The following SSBP2 variants were observed in gnomAD, a reference collection of about 807,000 sequenced individuals.
SSBP2 encodes single stranded DNA binding protein 2.
In SSBP2, 17 loss-of-function variants were observed where a neutral mutation model predicts 61.8. The observed-to-expected ratio is 0.28, with a 90% CI of 0.19 to 0.41. The LOEUF (loss-of-function observed/expected upper bound fraction) is 0.41. Ranked by LOEUF, SSBP2 falls within the 10% of genes least tolerant of loss-of-function variation. The probability of loss-of-function intolerance (pLI) is 1.00; values close to 1 mark genes in which losing one functional copy is unlikely to be tolerated. For synonymous variants in SSBP2, 139 were observed against 141.3 expected (o/e 0.98, Z 0.12); for missense variants, 310 against 458.7 (o/e 0.68, Z 2.96).
chr5:81,552,868 TCATC>T (rs1772314066), intron 4 of SSBP2, among the ~76,000 whole-genome samples: 1 of 152,164 alleles, frequency 6.6e-6, no homozygotes, highest in Non-Finnish European at 1.5e-5. Context: ...AAATTCTTCT[TCATC>T]CATTTATACA....
intron 1 of SSBP2, among the ~76,000 whole-genome samples, chr5:81,668,426 A>T (rs1751342656): frequency 6.6e-6 from 1 of 152,098 alleles, no homozygotes; most frequent in African/African-American, 2.4e-5. Flanking sequence ...CTAGGCTGTA[A>T]GATTTTATCC....
At chr5:81,437,898 A>C (rs1041624158) in intron 14 of SSBP2, 2 of 152,222 alleles carry the variant, frequency 1.3e-5, no homozygotes, top group African/African-American at 4.8e-5. Context: ...TTTAAACCAT[A>C]ATTTACTATA....
chr5:81,588,421 C>T (rs1775241179), intron 4 of SSBP2, among the ~76,000 whole-genome samples: 1 of 152,070 alleles, frequency 6.6e-6, no homozygotes, highest in African/African-American at 2.4e-5. Context: ...GTACCTGAAC[C>T]TAGGTCTTTA....
intron 4 of SSBP2, among the ~76,000 whole-genome samples, chr5:81,553,730 ATGT>A (rs1772383926): frequency 6.6e-6 from 1 of 152,142 alleles, no homozygotes; most frequent in Admixed American, 6.6e-5. Context: ...TAAGGACAGG[ATGT>A]TGTTGTTTCA....
At chr5:81,437,676 G>GT (rs544978730) in intron 14 of SSBP2, 26,633 of 278,804 alleles carry the variant, frequency 0.096, 31 homozygotes, top group Middle Eastern at 0.15. Context: ...GTTCCCAATC[G>GT]TTTTTTTTTT....
chr5:81,450,069 C>A (rs932728281), intron 10 of SSBP2, among the ~76,000 whole-genome samples: 2 of 152,036 alleles, frequency 1.3e-5, no homozygotes, highest in African/African-American at 4.8e-5. Context: ...CTTTTTTTGT[C>A]ACCCAGGCTG....
chr5:81,525,375 T>A (rs1014639183), intron 4 of SSBP2, among the ~76,000 whole-genome samples: 10 of 152,092 alleles, frequency 6.6e-5, no homozygotes, highest in Admixed American at 5.3e-4. Context: ...GTTGTTCCCC[T>A]CTTTGTGTCC....
rs114335885 is a variant in SSBP2 at position 81,541,243 on chromosome 5, C to G, written c.283-27526G>C. On this transcript the variant is annotated intron_variant, in intron 4 of 16. Coordinates refer to ENST00000320672, the MANE Select transcript of SSBP2 (RefSeq NM_012446.5). ...TGAAAGATCTCTACAAGGAGAACTA[C>G]AAAATACTGATAACAGAAGTCATAG... Among the ~76,000 whole-genome samples the G allele has an allele frequency of 7.3e-3, 1,109 of 152,174 alleles. 7 individuals are homozygous for G. Among genetic ancestry groups the G allele is most frequent in the Non-Finnish European group, 0.013 (899 of 68,000 alleles).
chr5:81,421,840 C>A (rs759867894), intron 16 of SSBP2, among the ~76,000 whole-genome samples: 2 of 152,108 alleles, frequency 1.3e-5, no homozygotes, highest in African/African-American at 4.8e-5. Context: ...GTGATTAGTG[C>A]AATCAAGACA....
chr5:81,615,785 T>C (rs935787050), intron 3 of SSBP2, among the ~76,000 whole-genome samples: 2 of 152,238 alleles, frequency 1.3e-5, no homozygotes, highest in Admixed American at 6.5e-5. Context: ...AAAAAATTTA[T>C]AGCAATAATT....
At chr5:81,680,610 G>T (rs1752314552) in intron 1 of SSBP2, among the ~76,000 whole-genome samples, 1 of 152,072 alleles carries the variant, frequency 6.6e-6, no homozygotes, top group South Asian at 2.1e-4. Context: ...GAAAGCCAGA[G>T]TAGCTATATT....
chr5:81,595,519 C>T lies in SSBP2; in HGVS notation c.282+19954G>A, dbSNP rs189029989. 3.7e-3 allele frequency among the ~76,000 whole-genome samples: 557 copies of T among 152,296 alleles called. 2 individuals carry two copies. The highest frequency in any genetic ancestry group is 0.012 in the African/African-American group (502 of 41,558). On this transcript the variant is annotated intron_variant, in intron 4 of 16. Coordinates refer to ENST00000320672, the MANE Select transcript of SSBP2 (RefSeq NM_012446.5). ...GGCCAGCATCATCCTGATACCAAAG[C>T]CTCGCAGAGACACAACCAAAAAAGA...
In SSBP2 at chr5:81,419,124, G is replaced by A. The variant is rs911186163; in HGVS notation, c.*1380C>T. The A allele has an allele frequency of 6.6e-6, 1 of 152,144 alleles. No individual in the cohort carries two copies. The highest frequency in any genetic ancestry group is 2.4e-5 in the African/African-American group (1 of 41,434). The allele number at this position is 152,144 out of a possible 1,614,324, so 9.4% of individuals were successfully genotyped here. ...CAAAAGATCTGGAAAGTGCCATAGA[G>A]CAAGGTGCTTTCCATAAGGGAATTA... On this transcript the variant is annotated 3_prime_UTR_variant, in exon 17 of 17. Coordinates refer to ENST00000320672, the MANE Select transcript of SSBP2 (RefSeq NM_012446.5).
chr5:81,481,121 T>G (rs1237689805), intron 6 of SSBP2, among the ~76,000 whole-genome samples: 3 of 152,212 alleles, frequency 2.0e-5, no homozygotes, highest in African/African-American at 7.2e-5. Context: ...GTCTTGAACC[T>G]CTCAGAGTCA....
intron 15 of SSBP2, among the ~76,000 whole-genome samples, chr5:81,436,171 G>C (rs1226794087): frequency 9.2e-6 from 1 of 109,284 alleles, no homozygotes; most frequent in Non-Finnish European, 1.7e-5. Flanking sequence ...ATGGGCAACA[G>C]AGCAAGACTC....
chr5:81,734,373 G>T (rs1756458897), intron 1 of SSBP2, among the ~76,000 whole-genome samples: 1 of 152,184 alleles, frequency 6.6e-6, no homozygotes, highest in Admixed American at 6.5e-5. Flanking sequence ...TTAGTTTGCA[G>T]TTTGACACAA....
At chr5:81,738,449 TG>T (rs1756772241) in intron 1 of SSBP2, among the ~76,000 whole-genome samples, 1 of 152,228 alleles carries the variant, frequency 6.6e-6, no homozygotes. Flanking sequence ...TTCTCATTTC[TG>T]TATCTCCAGC....
At chr5:81,725,795 T>C (rs972690769) in intron 1 of SSBP2, among the ~76,000 whole-genome samples, 2 of 152,056 alleles carry the variant, frequency 1.3e-5, no homozygotes, top group Non-Finnish European at 2.9e-5. Flanking sequence ...AGAGGTGGAG[T>C]TGTGGGGAGG....
At chr5:81,641,809 T>C (rs1388885064) in intron 2 of SSBP2, among the ~76,000 whole-genome samples, 3 of 152,114 alleles carry the variant, frequency 2.0e-5, no homozygotes, top group Non-Finnish European at 4.4e-5. Flanking sequence ...CAGTGTGCTA[T>C]CATTAAAAAG....
Sources: allele counts gnomAD v4.1 joint callset (sites outside exome capture counted in the v4.1 genomes callset), GRCh38; gene constraint gnomAD v4.1.1; transcripts MANE v1.5; gene names NCBI Gene and HGNC (gene_info 2026-07-23, HGNC 2026-07-21).